Variants in MEF2A observed in about 807,000 individuals in gnomAD.
The protein encoded by MEF2A is myocyte enhancer factor 2A.
MEF2A carries 28 observed loss-of-function variants against 55.8 expected under a neutral mutation model. The ratio of observed to expected loss-of-function variants is 0.50; its 90% confidence interval spans 0.37 to 0.69. The LOEUF (loss-of-function observed/expected upper bound fraction) is 0.69. Among genes scored for constraint, MEF2A ranks in the 30% least tolerant of loss-of-function variants. The probability of loss-of-function intolerance (pLI) is 0.00; values close to 1 mark genes in which losing one functional copy is unlikely to be tolerated. For missense variants in MEF2A, 528 were observed against 626.2 expected (o/e 0.84, Z 1.67); for synonymous variants, 239 against 227.1 (o/e 1.05, Z -0.47).
chr15:99,643,473 A>G (rs2045392946), intron 3 of MEF2A, among the ~76,000 whole-genome samples: 1 of 151,688 alleles, frequency 6.6e-6, no homozygotes, highest in Admixed American at 6.6e-5. Context: ...TCCTTTCCTT[A>G]TTGCTTTCCT....
intron 7 of MEF2A, among the ~76,000 whole-genome samples, chr15:99,683,500 C>T (rs753768838): frequency 2.0e-5 from 3 of 152,060 alleles, no homozygotes; most frequent in Non-Finnish European, 4.4e-5. Context: ...TCCACCTCTG[C>T]GGCTCAGGCA....
intron 1 of MEF2A, among the ~76,000 whole-genome samples, chr15:99,576,822 A>AT (rs1443963468): frequency 6.6e-6 from 1 of 151,418 alleles, no homozygotes; most frequent in East Asian, 1.9e-4. Context: ...TTTTCTTTGT[A>AT]TTTTTTAGTA....
chr15:99,619,278 G>A (rs995570899), intron 2 of MEF2A, among the ~76,000 whole-genome samples: 5 of 152,156 alleles, frequency 3.3e-5, no homozygotes, highest in Non-Finnish European at 2.9e-5. Flanking sequence ...CAGACTAGCT[G>A]CTCCGAAAAC....
At position 99,671,505 on chromosome 15, in the gene MEF2A, A is replaced by G. The variant is rs1056833454; in HGVS notation, c.390+51A>G. On this transcript the variant is annotated intron_variant, in intron 5 of 11. Coordinates refer to ENST00000557942, the MANE Select transcript of MEF2A (RefSeq NM_001319206.4). ...TTTTTATTTGTTGATCCTTTTTGTT[A>G]ACTTCATTATTTAGGCTCTGAACAA... is the stretch of plus-strand genomic sequence containing the variant. 4.3e-6 allele frequency: 7 copies of G among 1,613,868 alleles called. No homozygotes were observed. In the Admixed American group the frequency reaches 1.2e-4, roughly 27 times the overall value.
At chr15:99,613,080 T>C (rs1346643831) in intron 2 of MEF2A, among the ~76,000 whole-genome samples, 1 of 152,234 alleles carries the variant, frequency 6.6e-6, no homozygotes, top group African/African-American at 2.4e-5. Flanking sequence ...ACTTCACTCT[T>C]GTACATAGCC....
chr15:99,655,309 A>G (rs1255949029), intron 4 of MEF2A, among the ~76,000 whole-genome samples: 1 of 152,180 alleles, frequency 6.6e-6, no homozygotes, highest in Non-Finnish European at 1.5e-5. Flanking sequence ...AAACCTGGAT[A>G]TCCATATAGA....
intron 2 of MEF2A, among the ~76,000 whole-genome samples, chr15:99,624,388 T>A (rs1407746941): frequency 6.6e-6 from 1 of 152,228 alleles, no homozygotes; most frequent in Non-Finnish European, 1.5e-5. Flanking sequence ...CCAACTTTAT[T>A]CTTTTCCAGG....
At chr15:99,631,281 C>G (rs896028606) in intron 2 of MEF2A, among the ~76,000 whole-genome samples, 2 of 152,142 alleles carry the variant, frequency 1.3e-5, no homozygotes, top group Admixed American at 1.3e-4. Flanking sequence ...TTTCTCTTGC[C>G]TACTACAGTA....
intron 2 of MEF2A, among the ~76,000 whole-genome samples, chr15:99,623,808 T>G (rs1428907680): frequency 2.6e-5 from 4 of 151,888 alleles, no homozygotes; most frequent in East Asian, 1.9e-4. Flanking sequence ...ATCTGCCGTT[T>G]TTTTTTTTTT....
At chr15:99,685,651 C>G (rs557132475) in intron 7 of MEF2A, among the ~76,000 whole-genome samples, 2 of 152,174 alleles carry the variant, frequency 1.3e-5, no homozygotes, top group South Asian at 2.1e-4. Flanking sequence ...TCCCTGCATC[C>G]CTAGTATGAA....
chr15:99,602,653 GGTGT>G (rs773502316), intron 2 of MEF2A, among the ~76,000 whole-genome samples: 1,296 of 44,736 alleles, frequency 0.029, 20 homozygotes, highest in African/African-American at 0.047. Context: ...ACATTCCTGG[GGTGT>G]GTGTGTGTGT....
rs1567124507 is a variant in MEF2A, at chr15:99,567,626, A to AATGTGTGTGT, written c.-225+1522_-225+1523insATGTGTGTGT. 9.0e-3 allele frequency among the ~76,000 whole-genome samples: 1,099 copies of AATGTGTGTGT among 122,072 alleles called. 17 individuals are homozygous for AATGTGTGTGT. Among genetic ancestry groups the AATGTGTGTGT allele is most frequent in the African/African-American group, 0.034 (1,030 of 30,606 alleles). The allele number at this position is 122,072 out of a possible 152,430, so 80.1% of individuals were successfully genotyped here. ...TTGTGCCTTTATGGCTTTTGTATGT[A>AATGTGTGTGT]CTGTGTGTGTGTGTGTGTGTGTGTG... On this transcript the variant is annotated intron_variant, in intron 1 of 11. Transcript: ENST00000557942.
chr15:99,666,277 A>T (rs949587923), intron 4 of MEF2A, among the ~76,000 whole-genome samples: 10 of 152,194 alleles, frequency 6.6e-5, no homozygotes, highest in African/African-American at 2.4e-4. Context: ...GAATGAGTTC[A>T]TGTCCTTTGC....
At chr15:99,581,215 T>C (rs1354631258) in intron 1 of MEF2A, among the ~76,000 whole-genome samples, 2 of 152,184 alleles carry the variant, frequency 1.3e-5, no homozygotes, top group South Asian at 2.1e-4. Context: ...TTAGTCATTA[T>C]ACATTTCTTT....
chr15:99,682,532 G>T, intron 7 of MEF2A, among the ~76,000 whole-genome samples: 1 of 152,146 alleles, frequency 6.6e-6, no homozygotes, highest in East Asian at 1.9e-4. Context: ...TGAGCTGGAG[G>T]TAAGAAGGTA....
chr15:99,667,505 C>G (rs998301876), intron 4 of MEF2A, among the ~76,000 whole-genome samples: 3 of 152,090 alleles, frequency 2.0e-5, no homozygotes, highest in Non-Finnish European at 2.9e-5. Flanking sequence ...TTACAGGCGT[C>G]AGCCACCGCG....
At chr15:99,609,908 T>C (rs1442104161) in intron 2 of MEF2A, among the ~76,000 whole-genome samples, 2 of 152,146 alleles carry the variant, frequency 1.3e-5, no homozygotes, top group African/African-American at 4.8e-5. Flanking sequence ...CCTTGTCTTA[T>C]ATTAAAACTG....
At chr15:99,628,963 A>ATTTTTT (rs71149483) in intron 2 of MEF2A, among the ~76,000 whole-genome samples, 12,163 of 133,194 alleles carry the variant, frequency 0.091, 649 homozygotes, top group East Asian at 0.16. Context: ...TTTCAGAAGG[A>ATTTTTT]TTTTTTTTTT....
intron 2 of MEF2A, among the ~76,000 whole-genome samples, chr15:99,607,623 T>C (rs1185619647): frequency 6.6e-6 from 1 of 152,210 alleles, no homozygotes; most frequent in Non-Finnish European, 1.5e-5. Context: ...GAGATAGGCA[T>C]AAGTATCTGC....
Sources: gnomAD v4.1 joint callset for allele counts (sites outside exome capture counted in the v4.1 genomes callset) on GRCh38, gnomAD v4.1.1 for gene constraint, MANE v1.5 for transcripts, NCBI Gene and HGNC (gene_info 2026-07-23, HGNC 2026-07-21) for gene names.